GABRA6: variants seen among roughly 807,000 people sequenced by gnomAD.
GABRA6 encodes the protein gamma-aminobutyric acid type A receptor subunit alpha6.
Under a neutral mutation model 47.3 loss-of-function variants are expected in GABRA6, and 45 were observed. The ratio of observed to expected loss-of-function variants is 0.95; its 90% CI spans 0.75 to 1.22. The LOEUF is 1.22. Among genes scored for constraint, GABRA6 ranks in the 50% most tolerant of loss-of-function variants. GABRA6 has a pLI of 0.00. For missense variants in GABRA6, 583 were observed against 549.3 expected, an observed-to-expected ratio of 1.06 and a Z score of -0.61; for synonymous variants, 219 against 194.7, an observed-to-expected ratio of 1.12 and a Z score of -1.04.
Position 161,685,979 on chromosome 5 carries a change from T to C in GABRA6, c.-11T>C. 6.2e-7 allele frequency: 1 copy of C among 1,613,278 alleles called. No homozygotes were observed. On this transcript the variant is annotated 5_prime_UTR_variant, in exon 1 of 9. Transcript: ENST00000274545. ...TAGGAGGGTGAATTCTGCATTTCAG[T>C]GCACTGCAGGATGGCGTCGTCTCTG...
intron 8 of GABRA6, among the ~76,000 whole-genome samples, chr5:161,698,370 A>C (rs1225546057): frequency 1.3e-5 from 2 of 152,136 alleles, no homozygotes; most frequent in Non-Finnish European, 2.9e-5. Flanking sequence ...GTTTGGTAGC[A>C]AAAGATATGA....
intron 5 of GABRA6, 136 bp downstream of exon 5, chr5:161,689,472 A>T: frequency 9.9e-7 from 1 of 1,014,662 alleles, no homozygotes; most frequent in Admixed American, 2.0e-5. Context: ...ATACTTAATC[A>T]TTCTGTCAAT....
At chr5:161,696,518 A>T (rs889931636) in intron 8 of GABRA6, among the ~76,000 whole-genome samples, 3 of 152,036 alleles carry the variant, frequency 2.0e-5, no homozygotes. Flanking sequence ...CCATTGTATG[A>T]TTTATGGGGA....
At chr5:161,691,488 GGTTTCACCGT>G (rs1325336533) in intron 7 of GABRA6, among the ~76,000 whole-genome samples, 1 of 151,116 alleles carries the variant, frequency 6.6e-6, no homozygotes, top group Admixed American at 6.6e-5. Context: ...GTAGAGACGG[GGTTTCACCGT>G]GTTAGCCAGG....
At chr5:161,699,415 T>A (rs1424341897) in intron 8 of GABRA6, among the ~76,000 whole-genome samples, 1 of 152,098 alleles carries the variant, frequency 6.6e-6, no homozygotes, top group African/African-American at 2.4e-5. Flanking sequence ...TAGGTGAAAA[T>A]TTAGAGTCTG....
intron 8 of GABRA6, among the ~76,000 whole-genome samples, chr5:161,696,457 C>A (rs1454456194): frequency 6.6e-6 from 1 of 150,970 alleles, no homozygotes; most frequent in African/African-American, 2.4e-5. Flanking sequence ...TGAATTAAGA[C>A]CATTAAAGAC....
At chr5:161,688,852 A>G (rs1754742508) in intron 3 of GABRA6, 97 bp from the exon 4 acceptor site, 1 of 1,033,746 alleles carries the variant, frequency 9.7e-7, no homozygotes, top group Middle Eastern at 2.8e-4. Context: ...AAGTTGCTTT[A>G]TTGCTTAAGT....
intron 8 of GABRA6, among the ~76,000 whole-genome samples, chr5:161,695,679 CT>C (rs1166193711): frequency 2.6e-5 from 4 of 152,164 alleles, no homozygotes; most frequent in Admixed American, 6.5e-5. Context: ...AGTGTCATTA[CT>C]CTCAATGTAG....
At position 161,701,705 on chromosome 5, in the gene GABRA6, T is replaced by C. The variant is rs1372137467; in HGVS notation, c.1294T>C (p.Phe432Leu). 6.2e-7 allele frequency: 1 copy of C among 1,614,206 alleles called. No individual in the cohort carries two copies. Among genetic ancestry groups the C allele is most frequent in the South Asian group, 1.1e-5 (1 of 91,088 alleles). ...TCTCTTCCCAGTTGCATTTGCAGGA[T>C]TCAACCTTGTGTACTGGGTAGTTTA... The part of the protein sequence containing the change: ...RILFPVAFAG[F>L]NLVYWVVYLS... Residue 432 changes from phenylalanine to leucine, a missense_variant, in exon 9 of 9, where the codon TTC becomes CTC. Coordinates refer to ENST00000274545, the MANE Select transcript of GABRA6 (RefSeq NM_000811.3).
chr5:161,695,557 G>C (rs1214189216), intron 8 of GABRA6, among the ~76,000 whole-genome samples: 1 of 151,962 alleles, frequency 6.6e-6, no homozygotes, highest in East Asian at 1.9e-4. Flanking sequence ...TTTGGTCCTT[G>C]ATTTGTTTTT....
At chr5:161,687,550 AG>A (rs1391614163) in intron 3 of GABRA6, 4 of 455,966 alleles carry the variant, frequency 8.8e-6, no homozygotes, top group Non-Finnish European at 1.8e-5. Flanking sequence ...CATTCATAAG[AG>A]GGTATTTATA....
At chr5:161,691,382 G>A (rs1398906960) in intron 7 of GABRA6, among the ~76,000 whole-genome samples, 1 of 134,242 alleles carries the variant, frequency 7.4e-6, no homozygotes, top group Non-Finnish European at 1.5e-5. Context: ...TGCAGGCTCC[G>A]CCTCCCAGGT....
At chr5:161,700,634 C>T (rs1396391305) in intron 8 of GABRA6, among the ~76,000 whole-genome samples, 2 of 152,124 alleles carry the variant, frequency 1.3e-5, no homozygotes, top group African/African-American at 2.4e-5. Flanking sequence ...CCTATCTGGA[C>T]CCTAGCCTCA....
Position 161,701,495 on chromosome 5 carries a change from C to T in GABRA6, c.1087-3C>T. Reference sequence around the variant, plus strand: ...GGGCTTAATATTTGTCTTTTTTCCACAGCATCCTGACTCCAAATATCATCT... The same window carrying T: ...GGGCTTAATATTTGTCTTTTTTCCATAGCATCCTGACTCCAAATATCATCT... On this transcript the variant is annotated splice_polypyrimidine_tract_variant and splice_region_variant and intron_variant, in intron 8 of 8. Transcript: ENST00000274545. 6.2e-7 allele frequency: 1 copy of T among 1,613,972 alleles called. No homozygotes were observed. Among genetic ancestry groups the T allele is most frequent in the East Asian group, 2.2e-5 (1 of 44,872 alleles).
Position 161,685,919 on chromosome 5 carries a change from G to T in GABRA6, c.-71G>T. 8.4e-7 allele frequency: 1 copy of T among 1,194,968 alleles called. No homozygotes were observed. Among genetic ancestry groups the T allele is most frequent in the Non-Finnish European group, 1.3e-6 (1 of 796,068 alleles). The allele number at this position is 1,194,968 out of a possible 1,614,324, so 74.0% of individuals were successfully genotyped here. A position where few individuals can be genotyped will look rare whatever the true frequency, so the allele number is the denominator to read the frequency against. On this transcript the variant is annotated 5_prime_UTR_variant, in exon 1 of 9. Coordinates refer to ENST00000274545, the MANE Select transcript of GABRA6 (RefSeq NM_000811.3). ...GTTTGAAAGATTTCTCCAGTTGATTGGCAGAGAAGAGCTGGCTAGCAGGGA... is the reference window on the plus strand; with the variant it reads ...GTTTGAAAGATTTCTCCAGTTGATTTGCAGAGAAGAGCTGGCTAGCAGGGA...
rs751602739 is a variant in GABRA6 at position 161,689,250 on chromosome 5, C to T, written c.447-4C>T. ...CTCAGAACCGTTGATTTCAATGTTT[C>T]TAGGCTTACCATCAATGCTGACTGT... On this transcript the variant is annotated splice_polypyrimidine_tract_variant and splice_region_variant and intron_variant, in intron 4 of 8. Coordinates refer to ENST00000274545, the MANE Select transcript of GABRA6 (RefSeq NM_000811.3). The T allele has an allele frequency of 5.0e-6, 8 of 1,613,930 alleles. No individual in the cohort carries two copies. Among genetic ancestry groups the T allele is most frequent in the Non-Finnish European group, 6.8e-6 (8 of 1,179,838 alleles).
At chr5:161,687,330 A>G (rs139826140) in intron 3 of GABRA6, 1 of 395,180 alleles carries the variant, frequency 2.5e-6, no homozygotes, top group Admixed American at 3.6e-5. Flanking sequence ...AGGAAGAAAA[A>G]AAACACACAG....
chr5:161,701,864 T>A lies in GABRA6; in HGVS notation c.*91T>A. 2 of 1,332,400 alleles carry A rather than the reference T, an allele frequency of 1.5e-6. No homozygotes were observed. The highest frequency in any genetic ancestry group is 2.1e-6 in the Non-Finnish European group (2 of 933,940). 82.5% of individuals were successfully genotyped at this position (1,332,400 alleles called of 1,614,324 possible). A position where few individuals can be genotyped will look rare whatever the true frequency, so the allele number is the denominator to read the frequency against. ...ATAGCATTGAGACTTGTGTAGATGC[T>A]TCTCAGAACATGAAATCAAATTGGA... On this transcript the variant is annotated 3_prime_UTR_variant, in exon 9 of 9. Coordinates refer to ENST00000274545, the MANE Select transcript of GABRA6 (RefSeq NM_000811.3).
At chr5:161,694,085 A>G (rs974447222) in intron 8 of GABRA6, among the ~76,000 whole-genome samples, 1 of 152,142 alleles carries the variant, frequency 6.6e-6, no homozygotes, top group Non-Finnish European at 1.5e-5. Context: ...CTTGCTCCAC[A>G]ATGTTAAAAC....
Sources: allele counts gnomAD v4.1 joint callset (sites outside exome capture counted in the v4.1 genomes callset), GRCh38; gene constraint gnomAD v4.1.1; transcripts MANE v1.5; gene names NCBI Gene and HGNC (gene_info 2026-07-23, HGNC 2026-07-21).